FBXW4: variants seen among roughly 807,000 people sequenced by gnomAD.
FBXW4 encodes the protein F-box and WD repeat domain containing 4.
A neutral mutation model predicts 61.8 loss-of-function variants in FBXW4; 40 were observed. The observed-to-expected ratio is 0.65, with a 90% confidence interval of 0.50 to 0.84. The LOEUF (loss-of-function observed/expected upper bound fraction) is 0.84, where lower values mean the gene tolerates loss of function less well. Ranked by LOEUF, FBXW4 falls within the 40% of genes least tolerant of loss-of-function variation. FBXW4 has a pLI of 0.00. For missense variants in FBXW4, 672 were observed against 753.8 expected (o/e 0.89, Z 1.27); for synonymous variants, 311 against 313.8 (o/e 0.99, Z 0.10).
At chr10:101,688,208 T>A (rs1304785650) in intron 1 of FBXW4, among the ~76,000 whole-genome samples, 2 of 152,238 alleles carry the variant, frequency 1.3e-5, no homozygotes, top group African/African-American at 2.4e-5. Context: ...GACGTGGTGA[T>A]GTTTTGAAAG....
At chr10:101,658,538 T>G (rs1589764664) in intron 5 of FBXW4, among the ~76,000 whole-genome samples, 1 of 152,138 alleles carries the variant, frequency 6.6e-6, no homozygotes, top group African/African-American at 2.4e-5. Context: ...GTGCAAGACT[T>G]CGTCTGGGTG....
intron 5 of FBXW4, among the ~76,000 whole-genome samples, chr10:101,658,448 G>A (rs1352904284): frequency 6.6e-6 from 1 of 152,166 alleles, no homozygotes; most frequent in Middle Eastern, 3.2e-3. Context: ...AGGAGGCTGA[G>A]GCAGGACAAT....
chr10:101,690,518 A>G (rs1216562130), intron 1 of FBXW4, among the ~76,000 whole-genome samples: 1 of 152,216 alleles, frequency 6.6e-6, no homozygotes, highest in East Asian at 1.9e-4. Context: ...CTGTTCGGGC[A>G]AGAGGCCTAA....
At chr10:101,636,147 C>T (rs1484359342) in intron 5 of FBXW4, among the ~76,000 whole-genome samples, 1 of 151,840 alleles carries the variant, frequency 6.6e-6, no homozygotes, top group African/African-American at 2.4e-5. Context: ...GTCAGGAGTT[C>T]GAGACCAGCC....
intron 5 of FBXW4, among the ~76,000 whole-genome samples, chr10:101,638,760 T>C (rs2064025423): frequency 6.6e-6 from 1 of 152,216 alleles, no homozygotes; most frequent in Non-Finnish European, 1.5e-5. Context: ...CCACATGATA[T>C]CTTGGCTCCA....
chr10:101,633,764 C>T (rs2063978116), intron 5 of FBXW4, among the ~76,000 whole-genome samples: 1 of 152,030 alleles, frequency 6.6e-6, no homozygotes, highest in Admixed American at 6.6e-5. Context: ...TATATATCAG[C>T]AATAACAAAC....
At chr10:101,626,422 T>C (rs1396536081) in intron 5 of FBXW4, 3 of 152,674 alleles carry the variant, frequency 2.0e-5, no homozygotes, top group Non-Finnish European at 4.4e-5. Flanking sequence ...TTGGAAATCA[T>C]TCGAGCAGGC....
At chr10:101,636,409 A>C (rs989425452) in intron 5 of FBXW4, among the ~76,000 whole-genome samples, 1 of 151,746 alleles carries the variant, frequency 6.6e-6, no homozygotes. Flanking sequence ...AAAAAAAAAA[A>C]CAAAAAAGAA....
intron 5 of FBXW4, among the ~76,000 whole-genome samples, chr10:101,648,961 TCTA>T (rs2064124064): frequency 6.6e-6 from 1 of 152,136 alleles, no homozygotes; most frequent in Non-Finnish European, 1.5e-5. Context: ...CTCCCTCTCC[TCTA>T]CCATGCTCCA....
chr10:101,676,411 G>A lies in FBXW4; in HGVS notation c.751C>T (p.Arg251Ter), dbSNP rs765792909. ...DLMTSVPVKERVKVSQNWRLG... is the reference protein window; with the variant it reads ...DLMTSVPVKE ...CTCCAGTTCTGAGACACCTTCACTC[G>A]TTCCTTCACTGGGACACTGGTCATC... Residue 251 changes from arginine to a stop codon, truncating the protein, a stop_gained, in exon 2 of 9, where the codon CGA (arginine) becomes TGA (stop). Coordinates refer to ENST00000331272, the MANE Select transcript of FBXW4 (RefSeq NM_022039.4). LOFTEE classifies it high-confidence loss of function. 8 of 1,613,158 alleles carry A rather than the reference G, an allele frequency of 5.0e-6. No homozygotes were observed. The highest frequency in any genetic ancestry group is 3.3e-5 in the South Asian group (3 of 90,934).
At chr10:101,651,723 T>C (rs2064147577) in intron 5 of FBXW4, among the ~76,000 whole-genome samples, 1 of 152,030 alleles carries the variant, frequency 6.6e-6, no homozygotes, top group East Asian at 1.9e-4. Context: ...CTGCTTGCTT[T>C]TGTACTCTTG....
At chr10:101,636,449 T>C (rs1286677422) in intron 5 of FBXW4, among the ~76,000 whole-genome samples, 1 of 151,500 alleles carries the variant, frequency 6.6e-6, no homozygotes, top group Non-Finnish European at 1.5e-5. Flanking sequence ...CAAAGATAAT[T>C]ACAAACACAC....
chr10:101,684,687 T>C (rs2134914703), intron 1 of FBXW4, among the ~76,000 whole-genome samples: 1 of 152,368 alleles, frequency 6.6e-6, no homozygotes, highest in Non-Finnish European at 1.5e-5. Context: ...GGCTTTAGTG[T>C]AAAGTATTTA....
At chr10:101,673,288 T>G in intron 3 of FBXW4, among the ~76,000 whole-genome samples, 200 bp downstream of exon 3, 1 of 152,190 alleles carries the variant, frequency 6.6e-6, no homozygotes, top group Non-Finnish European at 1.5e-5. Context: ...AGCTTCACTT[T>G]TCATTAGAAG....
chr10:101,617,149 G>C (rs969444802), intron 6 of FBXW4, among the ~76,000 whole-genome samples: 1 of 152,164 alleles, frequency 6.6e-6, no homozygotes, highest in African/African-American at 2.4e-5. Context: ...TGTTTTACTC[G>C]TATCAGCCCA....
chr10:101,634,939 AG>A (rs2063988688), intron 5 of FBXW4, among the ~76,000 whole-genome samples: 1 of 149,408 alleles, frequency 6.7e-6, no homozygotes, highest in South Asian at 2.1e-4. Flanking sequence ...AAAAACAACA[AG>A]CTGAAAGGAA....
chr10:101,644,270 G>A (rs982742321), intron 5 of FBXW4, among the ~76,000 whole-genome samples: 4 of 152,164 alleles, frequency 2.6e-5, no homozygotes, highest in African/African-American at 7.2e-5. Flanking sequence ...ATTGGGCCCC[G>A]TGGTGAGCCA....
At chr10:101,631,272 G>A (rs2063953990) in intron 5 of FBXW4, among the ~76,000 whole-genome samples, 1 of 152,184 alleles carries the variant, frequency 6.6e-6, no homozygotes, top group African/African-American at 2.4e-5. Flanking sequence ...GGGAAAGGAG[G>A]ATATGCCTTG....
At chr10:101,670,870 G>A (rs2064352168) in intron 4 of FBXW4, among the ~76,000 whole-genome samples, 1 of 152,216 alleles carries the variant, frequency 6.6e-6, no homozygotes, top group Non-Finnish European at 1.5e-5. Flanking sequence ...TTGTGGGGAG[G>A]GGAAGGAAGA....
Sources: gnomAD v4.1 joint callset for allele counts (sites outside exome capture counted in the v4.1 genomes callset) on GRCh38, gnomAD v4.1.1 for gene constraint, MANE v1.5 for transcripts, NCBI Gene and HGNC (gene_info 2026-07-23, HGNC 2026-07-21) for gene names.